PTPRN2: variants seen among roughly 807,000 people sequenced by gnomAD.
PTPRN2 encodes receptor-type tyrosine-protein phosphatase N2.
Under a neutral mutation model 118.8 loss-of-function variants are expected in PTPRN2, and 74 were observed. That is an observed-to-expected ratio of 0.62 (90% confidence interval 0.52 to 0.76). The LOEUF is 0.76. PTPRN2 is among the 30% of genes least tolerant of loss of function. PTPRN2 has a pLI of 0.00. For synonymous variants in PTPRN2, 641 were observed against 608.0 expected (o/e 1.05, Z -0.80); for missense variants, 1,481 against 1,394.4 (o/e 1.06, Z -0.99).
intron 16 of PTPRN2, among the ~76,000 whole-genome samples, chr7:157,599,852 C>T (rs138768436): frequency 1.3e-5 from 2 of 151,868 alleles, no homozygotes; most frequent in South Asian, 2.1e-4. Flanking sequence ...CACCTCTCCA[C>T]CTGCCCACCT....
intron 1 of PTPRN2, among the ~76,000 whole-genome samples, chr7:158,558,999 T>G (rs1254995831): frequency 6.6e-6 from 1 of 151,956 alleles, no homozygotes; most frequent in East Asian, 1.9e-4. Context: ...GGGGCCACAC[T>G]GGGGGGTCCA....
chr7:158,204,734 TAGTTTTG>T (rs1472721517), intron 4 of PTPRN2, among the ~76,000 whole-genome samples: 2 of 152,196 alleles, frequency 1.3e-5, no homozygotes, highest in African/African-American at 4.8e-5. Flanking sequence ...AATTACCACA[TAGTTTTG>T]AGTACAAAAT....
At chr7:158,016,069 A>G (rs570751180) in intron 11 of PTPRN2, among the ~76,000 whole-genome samples, 2 of 152,308 alleles carry the variant, frequency 1.3e-5, no homozygotes, top group African/African-American at 4.8e-5. Context: ...CGTTCAGGGA[A>G]TAAGAGCCAC....
chr7:157,852,720 T>A (rs1002363189), intron 12 of PTPRN2, among the ~76,000 whole-genome samples: 1 of 151,620 alleles, frequency 6.6e-6, no homozygotes, highest in African/African-American at 2.4e-5. Flanking sequence ...AACACAAAAA[T>A]TAGCTGGGTG....
intron 12 of PTPRN2, among the ~76,000 whole-genome samples, chr7:157,871,725 A>G (rs1381923210): frequency 6.6e-6 from 1 of 151,706 alleles, no homozygotes; most frequent in Non-Finnish European, 1.5e-5. Context: ...ACACATATAC[A>G]CATACATACA....
At chr7:158,055,239 A>G (rs1809696288) in intron 11 of PTPRN2, among the ~76,000 whole-genome samples, 1 of 152,220 alleles carries the variant, frequency 6.6e-6, no homozygotes, top group Non-Finnish European at 1.5e-5. Flanking sequence ...CACAGTGAGA[A>G]GTGACCAGAA....
At chr7:157,731,333 T>A (rs532558063) in intron 12 of PTPRN2, among the ~76,000 whole-genome samples, 2 of 152,298 alleles carry the variant, frequency 1.3e-5, no homozygotes, top group African/African-American at 2.4e-5. Context: ...TGCCTGCTCA[T>A]AATGTGAACT....
At chr7:158,071,706 G>GTGCTCGTGGTGGTGGAGA (rs1811797874) in intron 11 of PTPRN2, among the ~76,000 whole-genome samples, 1 of 133,948 alleles carries the variant, frequency 7.5e-6, no homozygotes, top group Non-Finnish European at 1.6e-5. Flanking sequence ...TGTGGTGGAG[G>GTGCTCGTGGTGGTGGAGA]TGCTCCTGGT....
intron 11 of PTPRN2, among the ~76,000 whole-genome samples, chr7:157,984,050 T>G (rs965600612): frequency 1.1e-4 from 17 of 152,072 alleles, no homozygotes; most frequent in African/African-American, 4.1e-4. Flanking sequence ...CAGGGTGCAC[T>G]TGCACAGCCA....
chr7:157,840,287 C>T (rs1808304448), intron 12 of PTPRN2, among the ~76,000 whole-genome samples: 1 of 131,498 alleles, frequency 7.6e-6, no homozygotes, highest in Non-Finnish European at 1.6e-5. Flanking sequence ...GACTGTGTGA[C>T]CGTGTGACTG....
intron 12 of PTPRN2, among the ~76,000 whole-genome samples, chr7:157,772,316 GACACAGACACACACATAC>G (rs1162731114): frequency 2.6e-5 from 2 of 75,858 alleles, no homozygotes; most frequent in African/African-American, 2.4e-4. Flanking sequence ...GACACACATA[GACACAGACACACACATAC>G]ACACAGACAT....
At chr7:157,625,872 G>A (rs573738236) in intron 14 of PTPRN2, among the ~76,000 whole-genome samples, 1 of 152,308 alleles carries the variant, frequency 6.6e-6, no homozygotes, top group South Asian at 2.1e-4. Context: ...AATAGCATAT[G>A]TAGAAAAGAA....
At chr7:158,135,869 C>T (rs1177803924) in intron 8 of PTPRN2, among the ~76,000 whole-genome samples, 1 of 152,240 alleles carries the variant, frequency 6.6e-6, no homozygotes, top group Non-Finnish European at 1.5e-5. Flanking sequence ...TTTCTCCACC[C>T]CCAAAACTGG....
intron 11 of PTPRN2, among the ~76,000 whole-genome samples, chr7:158,033,982 T>C (rs1034645599): frequency 2.7e-5 from 4 of 147,454 alleles, no homozygotes; most frequent in Non-Finnish European, 5.9e-5. Flanking sequence ...GAGACCTCAA[T>C]AGAAACTCTG....
At chr7:158,121,387 T>TTG (rs1817159804) in intron 9 of PTPRN2, among the ~76,000 whole-genome samples, 1 of 152,134 alleles carries the variant, frequency 6.6e-6, no homozygotes, top group African/African-American at 2.4e-5. Context: ...TTTTAAAAGG[T>TTG]CTCCAGTACT....
At chr7:158,091,049 A>G (rs1375533575) in intron 10 of PTPRN2, among the ~76,000 whole-genome samples, 1 of 152,268 alleles carries the variant, frequency 6.6e-6, no homozygotes, top group Non-Finnish European at 1.5e-5. Context: ...ATGGTTTTAA[A>G]TAAGAACCGA....
In PTPRN2 at chr7:157,965,203, C is replaced by A. The variant is rs1038238829; in HGVS notation, c.1724-66466G>T. Among the ~76,000 whole-genome samples the A allele has an allele frequency of 2.0e-5, 3 of 152,184 alleles. No individual in the cohort carries two copies. The South Asian group carries it at 6.2e-4, about 31-fold the overall frequency. ...TGTGCTAAATACTTAGTTTTTGACT[C>A]CATATGTATGAAGATTACCATATTT... On this transcript the variant is annotated intron_variant, in intron 11 of 22. Transcript: ENST00000389418.
chr7:158,220,634 GAATAA>G (rs1316905587), intron 3 of PTPRN2, among the ~76,000 whole-genome samples: 1 of 151,862 alleles, frequency 6.6e-6, no homozygotes, highest in African/African-American at 2.4e-5. Context: ...TGTACAAAAA[GAATAA>G]AATACCTAAG....
chr7:157,963,600 A>G (rs1288913125), intron 11 of PTPRN2, among the ~76,000 whole-genome samples: 3 of 152,262 alleles, frequency 2.0e-5, no homozygotes, highest in African/African-American at 7.2e-5. Flanking sequence ...AAGAATTTCC[A>G]TAATGGCCAG....
Sources: gnomAD v4.1 joint callset for allele counts (sites outside exome capture counted in the v4.1 genomes callset) on GRCh38, gnomAD v4.1.1 for gene constraint, MANE v1.5 for transcripts, NCBI Gene and HGNC (gene_info 2026-07-23, HGNC 2026-07-21) for gene names.